The following LDLRAD3 variants were observed in gnomAD, a reference collection of about 807,000 sequenced individuals.
The protein encoded by LDLRAD3 is low density lipoprotein receptor class A domain containing 3.
Under a neutral mutation model 29.4 loss-of-function variants are expected in LDLRAD3, and 20 were observed. The observed-to-expected ratio is 0.68, with a 90% CI of 0.48 to 0.99. LDLRAD3 has a LOEUF of 0.99. Ranked by LOEUF, LDLRAD3 falls within the 50% of genes least tolerant of loss-of-function variation. The probability of loss-of-function intolerance (pLI) is 0.00; values close to 1 mark genes in which losing one functional copy is unlikely to be tolerated. For synonymous variants in LDLRAD3, 157 were observed against 192.7 expected, an observed-to-expected ratio of 0.81 and a Z score of 1.53; for missense variants, 420 against 454.3, an observed-to-expected ratio of 0.92 and a Z score of 0.69.
chr11:36,108,623 T>TA (rs931872656), intron 4 of LDLRAD3, among the ~76,000 whole-genome samples: 15 of 152,004 alleles, frequency 9.9e-5, no homozygotes, highest in African/African-American at 3.6e-4. Context: ...GGGGAAGAGT[T>TA]ACTGGACAAG....
intron 2 of LDLRAD3, 22 bp downstream of exon 2, chr11:36,036,271 T>TG: frequency 6.2e-7 from 1 of 1,613,664 alleles, no homozygotes. Flanking sequence ...GGCCCTTTGC[T>TG]GGGGTGGGGT....
At chr11:35,959,225 G>A (rs1032295724) in intron 1 of LDLRAD3, among the ~76,000 whole-genome samples, 1 of 152,188 alleles carries the variant, frequency 6.6e-6, no homozygotes, top group Admixed American at 6.5e-5. Context: ...GGATATGACT[G>A]TGTTTGCAGA....
intron 1 of LDLRAD3, among the ~76,000 whole-genome samples, chr11:35,945,789 C>A (rs1851049765): frequency 6.6e-6 from 1 of 152,164 alleles, no homozygotes; most frequent in African/African-American, 2.4e-5. Context: ...TACTGGGTTG[C>A]TTTAGTTGAG....
intron 4 of LDLRAD3, chr11:36,197,623 A>C (rs1855053824): frequency 6.6e-6 from 1 of 152,350 alleles, no homozygotes; most frequent in Non-Finnish European, 1.5e-5. Flanking sequence ...TGATCTCATT[A>C]CTGTTACCTT....
intron 1 of LDLRAD3, among the ~76,000 whole-genome samples, chr11:35,982,236 A>T (rs1851550820): frequency 2.0e-5 from 3 of 151,920 alleles, no homozygotes; most frequent in Admixed American, 2.0e-4. Flanking sequence ...GCCTTTCCCT[A>T]GCTCCCCGTG....
At chr11:35,951,169 A>C (rs1851130022) in intron 1 of LDLRAD3, among the ~76,000 whole-genome samples, 1 of 152,188 alleles carries the variant, frequency 6.6e-6, no homozygotes, top group African/African-American at 2.4e-5. Context: ...TGGCAATAAT[A>C]AAACATTAAA....
intron 1 of LDLRAD3, among the ~76,000 whole-genome samples, chr11:36,030,497 G>A (rs1852223406): frequency 1.3e-5 from 2 of 151,088 alleles, no homozygotes; most frequent in South Asian, 2.1e-4. Flanking sequence ...AGACAGTCAC[G>A]GAAAACAGAC....
intron 2 of LDLRAD3, among the ~76,000 whole-genome samples, chr11:36,075,017 A>T (rs565383267): frequency 6.6e-6 from 1 of 152,136 alleles, no homozygotes; most frequent in Non-Finnish European, 1.5e-5. Flanking sequence ...CCCATTACCC[A>T]ACTGTTAATG....
At chr11:36,003,550 G>A (rs776787346) in intron 1 of LDLRAD3, among the ~76,000 whole-genome samples, 2 of 152,150 alleles carry the variant, frequency 1.3e-5, no homozygotes, top group Non-Finnish European at 2.9e-5. Flanking sequence ...CTGTTCTAAA[G>A]AGTCACTCTC....
chr11:35,952,860 C>T (rs1056435262), intron 1 of LDLRAD3, among the ~76,000 whole-genome samples: 23 of 152,326 alleles, frequency 1.5e-4, no homozygotes, highest in African/African-American at 5.5e-4. Flanking sequence ...TATGAGAGAA[C>T]ATTTCCTGAA....
chr11:36,205,972 G>A (rs1371616052), intron 4 of LDLRAD3, among the ~76,000 whole-genome samples: 1 of 152,202 alleles, frequency 6.6e-6, no homozygotes, highest in African/African-American at 2.4e-5. Flanking sequence ...TCTCCTTGTT[G>A]CTCTGGGTGG....
intron 4 of LDLRAD3, among the ~76,000 whole-genome samples, chr11:36,171,471 A>G (rs1028195794): frequency 5.9e-5 from 9 of 152,136 alleles, no homozygotes; most frequent in African/African-American, 2.2e-4. Flanking sequence ...TTATTTTTGT[A>G]TAAGGTGAGA....
At chr11:36,031,762 G>A (rs1441242067) in intron 1 of LDLRAD3, among the ~76,000 whole-genome samples, 1 of 152,234 alleles carries the variant, frequency 6.6e-6, no homozygotes, top group Non-Finnish European at 1.5e-5. Context: ...AGTGATGTAA[G>A]CTGAGGTCTG....
intron 3 of LDLRAD3, among the ~76,000 whole-genome samples, chr11:36,088,639 A>G (rs746485601): frequency 6.6e-6 from 1 of 152,148 alleles, no homozygotes; most frequent in African/African-American, 2.4e-5. Flanking sequence ...CCTCTCAGCC[A>G]ATTCATCAGT....
intron 4 of LDLRAD3, among the ~76,000 whole-genome samples, chr11:36,167,578 G>A (rs1179444086): frequency 6.6e-6 from 1 of 152,140 alleles, no homozygotes; most frequent in African/African-American, 2.4e-5. Context: ...GAGGTAAAGA[G>A]TAGAATCATT....
At chr11:36,026,453 A>T (rs1852168428) in intron 1 of LDLRAD3, among the ~76,000 whole-genome samples, 1 of 152,214 alleles carries the variant, frequency 6.6e-6, no homozygotes, top group South Asian at 2.1e-4. Flanking sequence ...AAAGTGTCAG[A>T]GGCATTTAAA....
At position 35,944,307 on chromosome 11, in the gene LDLRAD3, C is replaced by T. The variant is rs891008889; in HGVS notation, c.46+163C>T. ...GGCGCCGGGCTGGCCCGGACCCTGC[C>T]GAGGGGCCGCCGCGGGGTGCGAGCC... is the stretch of plus-strand genomic sequence containing the variant. On this transcript the variant is annotated intron_variant, in intron 1 of 5. Transcript: ENST00000315571. This position sits in a 1 kb window ranked among gnomAD's most constrained non-coding sequence, Gnocchi z 4.9. Among the ~76,000 whole-genome samples the T allele has an allele frequency of 6.6e-6, 1 of 151,276 alleles. No homozygotes were observed. The highest frequency in any genetic ancestry group is 2.0e-4 in the East Asian group (1 of 5,106).
At chr11:36,146,864 A>G (rs975577129) in intron 4 of LDLRAD3, among the ~76,000 whole-genome samples, 1 of 150,438 alleles carries the variant, frequency 6.6e-6, no homozygotes, top group African/African-American at 2.5e-5. Flanking sequence ...GTTTTGGCTC[A>G]CTGCAACCTC....
At chr11:36,172,745 A>C (rs1186577324) in intron 4 of LDLRAD3, among the ~76,000 whole-genome samples, 1 of 151,220 alleles carries the variant, frequency 6.6e-6, no homozygotes, top group East Asian at 2.0e-4. Flanking sequence ...TTTGTTGAGG[A>C]TTTTTGCATC....
Sources: allele counts gnomAD v4.1 joint callset (sites outside exome capture counted in the v4.1 genomes callset), GRCh38; gene constraint gnomAD v4.1.1; non-coding constraint Gnocchi (gnomAD v3.1); transcripts MANE v1.5; gene names NCBI Gene and HGNC (gene_info 2026-07-23, HGNC 2026-07-21).